RERE: variants seen among roughly 807,000 people sequenced by gnomAD.
The protein encoded by RERE is arginine-glutamic acid dipeptide repeats, also known as arginine-glutamic acid dipeptide repeats protein.
Under a neutral mutation model 146.1 loss-of-function variants are expected in RERE, and 40 were observed. The observed-to-expected ratio is 0.27, with a 90% confidence interval of 0.21 to 0.36. The LOEUF (loss-of-function observed/expected upper bound fraction) is 0.36. RERE is among the 10% of genes least tolerant of loss of function. The pLI is 1.00. For missense variants in RERE, 1,933 were observed against 2,138.7 expected, an observed-to-expected ratio of 0.90 and a Z score of 1.90; for synonymous variants, 1,003 against 866.0, an observed-to-expected ratio of 1.16 and a Z score of -2.78.
rs1330078266 is a variant in RERE at position 8,354,772 on chromosome 1, C to T, written c.*315G>A. On this transcript the variant is annotated 3_prime_UTR_variant, in exon 23 of 23. Transcript: ENST00000400908. Reference sequence around the variant, plus strand: ...GGTGTGAACTGGATTCTAGCACCTACTGAGAAATCAAGGAAAAGAAAACTA... The same window carrying T: ...GGTGTGAACTGGATTCTAGCACCTATTGAGAAATCAAGGAAAAGAAAACTA... 19 of 370,494 alleles carry T rather than the reference C, an allele frequency of 5.1e-5. No individual in the cohort carries two copies. Among genetic ancestry groups the T allele is most frequent in the South Asian group, 4.7e-4 (11 of 23,194 alleles). 23.0% of individuals were successfully genotyped at this position (370,494 alleles called of 1,614,324 possible).
At position 8,459,413 on chromosome 1, in the gene RERE, GGTTAGTA is replaced by G. The variant is rs1476249303; in HGVS notation, c.1203+6505_1203+6511del. Among the ~76,000 whole-genome samples, 4 of 152,246 alleles carry G rather than the reference GGTTAGTA, an allele frequency of 2.6e-5. No homozygotes were observed. In the East Asian group the frequency reaches 5.8e-4, roughly 22 times the overall value. On this transcript the variant is annotated intron_variant, in intron 11 of 22. Transcript: ENST00000400908. Reference sequence around the variant, plus strand: ...TGTCATTTAAAACTGGAGGAAGGGTGGTTAGTAGAGAGGAGAATCTACTGTGATTCAA... The same window carrying G: ...TGTCATTTAAAACTGGAGGAAGGGTGGAGAGGAGAATCTACTGTGATTCAA...
At chr1:8,635,418 T>C (rs943412121) in intron 2 of RERE, among the ~76,000 whole-genome samples, 2 of 152,246 alleles carry the variant, frequency 1.3e-5, no homozygotes, top group African/African-American at 2.4e-5. Context: ...TAAATGCTTC[T>C]TGATTCCTAA....
intron 20 of RERE, among the ~76,000 whole-genome samples, chr1:8,357,851 G>A (rs529828227): frequency 3.9e-5 from 6 of 152,338 alleles, no homozygotes; most frequent in Admixed American, 2.0e-4. Context: ...TTATCTGTAC[G>A]TTCCTTGGCT....
intron 12 of RERE, among the ~76,000 whole-genome samples, chr1:8,396,826 T>A (rs1356569903): frequency 6.6e-6 from 1 of 152,172 alleles, no homozygotes; most frequent in Non-Finnish European, 1.5e-5. Context: ...CAAAGTGAAC[T>A]TTTTCCACAA....
rs984307292 is a variant in RERE at position 8,365,696 on chromosome 1, G to A, written c.1447+116C>T. ...AGGCTTCACACATGCACTGGAGCAC[G>A]GGTGCACACCCCCTCATGCTTCCCG... On this transcript the variant is annotated intron_variant, in intron 13 of 22. Coordinates refer to ENST00000400908, the MANE Select transcript of RERE (RefSeq NM_001042681.2). The A allele has an allele frequency of 5.1e-5, 60 of 1,168,540 alleles. 1 individual carries two copies. Among genetic ancestry groups the A allele is most frequent in the East Asian group, 7.3e-5 (3 of 41,312 alleles). The allele number at this position is 1,168,540 out of a possible 1,614,324, so 72.4% of individuals were successfully genotyped here.
intron 1 of RERE, among the ~76,000 whole-genome samples, chr1:8,718,096 T>C (rs896947683): frequency 5.3e-5 from 8 of 152,218 alleles, no homozygotes; most frequent in Non-Finnish European, 8.8e-5. Flanking sequence ...GTCAGAAACA[T>C]CTGTTTTACC....
intron 12 of RERE, among the ~76,000 whole-genome samples, chr1:8,403,148 C>A (rs890875074): frequency 6.6e-6 from 1 of 152,060 alleles, no homozygotes; most frequent in African/African-American, 2.4e-5. Context: ...CTGCCCATCT[C>A]GGCCTCCCAA....
chr1:8,530,679 CTTTTTTTTTTTT>C (rs1197212764), intron 7 of RERE, among the ~76,000 whole-genome samples: 2 of 96,950 alleles, frequency 2.1e-5, no homozygotes, highest in Admixed American at 1.2e-4. Flanking sequence ...TTTTCGTTTT[CTTTTTTTTTTTT>C]TTTTTTTTTT....
chr1:8,404,481 C>T (rs1403315125), intron 12 of RERE, among the ~76,000 whole-genome samples: 1 of 152,068 alleles, frequency 6.6e-6, no homozygotes, highest in Non-Finnish European at 1.5e-5. Flanking sequence ...TGGTCTCAAA[C>T]TCCTGGCCTC....
chr1:8,709,278 T>G (rs1419425050), intron 1 of RERE, among the ~76,000 whole-genome samples: 1 of 140,928 alleles, frequency 7.1e-6, no homozygotes, highest in Non-Finnish European at 1.5e-5. Flanking sequence ...TCTTTTAGAT[T>G]TTTTAATTTT....
chr1:8,609,718 G>C (rs542977893), intron 4 of RERE, among the ~76,000 whole-genome samples: 2 of 152,240 alleles, frequency 1.3e-5, no homozygotes, highest in Non-Finnish European at 2.9e-5. Flanking sequence ...ATTTCCAAAA[G>C]AGCATTTTAT....
intron 12 of RERE, among the ~76,000 whole-genome samples, chr1:8,396,904 G>GC (rs1643075596): frequency 6.6e-6 from 1 of 152,012 alleles, no homozygotes. Context: ...CAGCATCTTT[G>GC]CATTTTAAAG....
intron 4 of RERE, among the ~76,000 whole-genome samples, chr1:8,608,323 G>GTT (rs1646747399): frequency 6.6e-6 from 1 of 151,932 alleles, no homozygotes; most frequent in Non-Finnish European, 1.5e-5. Context: ...GGCAACATAG[G>GTT]GAGACCCTGT....
chr1:8,607,875 G>A (rs1200287859), intron 4 of RERE, among the ~76,000 whole-genome samples: 2 of 151,604 alleles, frequency 1.3e-5, no homozygotes, highest in South Asian at 2.1e-4. Context: ...ACAGGCGCCC[G>A]CCACCACGCC....
At position 8,371,264 on chromosome 1, in the gene RERE, T is replaced by C. The variant is rs555828106; in HGVS notation, c.1285-5290A>G. Among the ~76,000 whole-genome samples the C allele has an allele frequency of 6.6e-5, 10 of 152,320 alleles. No individual in the cohort carries two copies. In the South Asian group the frequency reaches 1.7e-3, roughly 25 times the overall value. ...GGCTAAATTTTTCCCACAGGTCATA[T>C]GCAAAAAGCCTTTGGCAATGACAGG... On this transcript the variant is annotated intron_variant, in intron 12 of 22. Coordinates refer to ENST00000400908, the MANE Select transcript of RERE (RefSeq NM_001042681.2).
chr1:8,503,103 T>TAAAC (rs1557662585), intron 8 of RERE, among the ~76,000 whole-genome samples: 1 of 145,008 alleles, frequency 6.9e-6, no homozygotes, highest in African/African-American at 2.6e-5. Context: ...AATAAATAAA[T>TAAAC]AAATAAATAA....
intron 1 of RERE, among the ~76,000 whole-genome samples, chr1:8,736,653 TAGA>T (rs1471545201): frequency 6.6e-6 from 1 of 152,102 alleles, no homozygotes; most frequent in Non-Finnish European, 1.5e-5. Flanking sequence ...GCTTATATCA[TAGA>T]AGAACAGAGG....
chr1:8,527,644 A>T (rs1426476275), intron 7 of RERE, among the ~76,000 whole-genome samples: 1 of 152,168 alleles, frequency 6.6e-6, no homozygotes, highest in African/African-American at 2.4e-5. Context: ...GAGTTACCAA[A>T]ATCCAATGGC....
chr1:8,394,842 T>C (rs1335400008), intron 12 of RERE, among the ~76,000 whole-genome samples: 4 of 152,344 alleles, frequency 2.6e-5, no homozygotes, highest in African/African-American at 9.6e-5. Context: ...ACAGTTACAC[T>C]TGGTTTTTGT....
Sources: allele counts gnomAD v4.1 joint callset (sites outside exome capture counted in the v4.1 genomes callset), GRCh38; gene constraint gnomAD v4.1.1; transcripts MANE v1.5; gene names NCBI Gene and HGNC (gene_info 2026-07-23, HGNC 2026-07-21).